The following NEDD4L variants were observed in gnomAD, a reference collection of about 807,000 sequenced individuals.
NEDD4L encodes E3 ubiquitin-protein ligase NEDD4-like.
Under a neutral mutation model 148.9 loss-of-function variants are expected in NEDD4L, and 54 were observed. The observed-to-expected ratio is 0.36, with a 90% CI of 0.29 to 0.45. The LOEUF (loss-of-function observed/expected upper bound fraction) is 0.45, where lower values mean the gene tolerates loss of function less well. Among genes scored for constraint, NEDD4L ranks in the 20% least tolerant of loss-of-function variants. NEDD4L has a pLI of 1.00. For missense variants in NEDD4L, 856 were observed against 1,233.8 expected, an observed-to-expected ratio of 0.69 and a Z score of 4.59; for synonymous variants, 433 against 440.7, an observed-to-expected ratio of 0.98 and a Z score of 0.22.
chr18:58,258,977 G>C (rs1165274002), intron 5 of NEDD4L, among the ~76,000 whole-genome samples: 16 of 152,138 alleles, frequency 1.1e-4, no homozygotes, highest in Non-Finnish European at 4.4e-5. Flanking sequence ...TGGTCTAAAG[G>C]ACATTACATT....
intron 23 of NEDD4L, 111 bp downstream of exon 23, chr18:58,370,578 A>G (rs927839424): frequency 4.1e-6 from 3 of 736,226 alleles, no homozygotes; most frequent in African/African-American, 1.7e-5. Context: ...GTTGCATTCC[A>G]TGTGAACAAC....
chr18:58,115,605 T>C (rs1204034363), intron 1 of NEDD4L, among the ~76,000 whole-genome samples: 2 of 152,138 alleles, frequency 1.3e-5, no homozygotes, highest in Admixed American at 1.3e-4. Flanking sequence ...GAATTGAGAA[T>C]GGGGATTGAG....
At chr18:58,236,964 G>A (rs971370477) in intron 2 of NEDD4L, among the ~76,000 whole-genome samples, 16 of 151,922 alleles carry the variant, frequency 1.1e-4, no homozygotes, top group Admixed American at 3.3e-4. Context: ...CAGAGGCTGC[G>A]GTGAGCCAAG....
At chr18:58,057,939 A>C (rs2082159750) in intron 1 of NEDD4L, among the ~76,000 whole-genome samples, 2 of 152,194 alleles carry the variant, frequency 1.3e-5, no homozygotes, top group Non-Finnish European at 1.5e-5. Context: ...CAACTTCCCC[A>C]CACTGGGATT....
chr18:58,143,662 A>G (rs1301975762), intron 1 of NEDD4L, among the ~76,000 whole-genome samples: 2 of 152,174 alleles, frequency 1.3e-5, no homozygotes. Flanking sequence ...TTCTTCGTCC[A>G]TGTCCCCAGA....
At chr18:58,147,767 G>A (rs570443773) in intron 1 of NEDD4L, among the ~76,000 whole-genome samples, 4 of 152,254 alleles carry the variant, frequency 2.6e-5, no homozygotes, top group Admixed American at 2.6e-4. Flanking sequence ...TTGTTCAGTT[G>A]TCTCATTCTG....
intron 9 of NEDD4L, among the ~76,000 whole-genome samples, chr18:58,327,905 A>C (rs1444818911): frequency 1.3e-5 from 2 of 152,034 alleles, no homozygotes; most frequent in African/African-American, 4.8e-5. Flanking sequence ...TATTTCCCCC[A>C]AAGTATGATT....
intron 1 of NEDD4L, among the ~76,000 whole-genome samples, chr18:58,051,687 G>A (rs2081879785): frequency 6.6e-6 from 1 of 152,190 alleles, no homozygotes; most frequent in Non-Finnish European, 1.5e-5. Context: ...CCTAACTTAA[G>A]AGTTTTCAAG....
intron 29 of NEDD4L, 34 bp from the exon 30 acceptor site, chr18:58,391,453 C>G (rs1443006416): frequency 6.7e-7 from 1 of 1,498,754 alleles, no homozygotes; most frequent in Admixed American, 1.9e-5. Flanking sequence ...CTGCCCCAAG[C>G]AATCTTAACA....
intron 16 of NEDD4L, among the ~76,000 whole-genome samples, chr18:58,346,590 TAAAG>T (rs1156479088): frequency 2.0e-5 from 3 of 152,206 alleles, no homozygotes; most frequent in African/African-American, 7.2e-5. Flanking sequence ...ATGGAAAAGA[TAAAG>T]AAAAAAGGCA....
intron 11 of NEDD4L, among the ~76,000 whole-genome samples, chr18:58,331,907 A>C (rs1404828634): frequency 2.6e-5 from 4 of 152,248 alleles, no homozygotes; most frequent in Non-Finnish European, 5.9e-5. Context: ...TGCATTTATC[A>C]TTCAGTTAAT....
chr18:58,149,278 C>CCA, intron 1 of NEDD4L: 1 of 733,888 alleles, frequency 1.4e-6, no homozygotes, highest in Non-Finnish European at 1.9e-6. Context: ...CCTTGGTGTC[C>CCA]AGGTGGCAGG....
intron 24 of NEDD4L, among the ~76,000 whole-genome samples, chr18:58,379,727 C>G (rs771158196): frequency 6.6e-6 from 1 of 152,182 alleles, no homozygotes; most frequent in Non-Finnish European, 1.5e-5. Flanking sequence ...CAGCCGGTCT[C>G]AAAAGTGGAA....
intron 18 of NEDD4L, among the ~76,000 whole-genome samples, chr18:58,352,733 A>G (rs1341832002): frequency 6.6e-6 from 1 of 152,216 alleles, no homozygotes; most frequent in Admixed American, 6.5e-5. Flanking sequence ...TGTGAATAAT[A>G]CTGATCATTT....
chr18:58,129,220 CCCT>C (rs1383835325), intron 1 of NEDD4L, among the ~76,000 whole-genome samples: 1 of 152,226 alleles, frequency 6.6e-6, no homozygotes, highest in Non-Finnish European at 1.5e-5. Flanking sequence ...TCCGTGCCTA[CCCT>C]TGGCTGCTGC....
At chr18:58,198,105 G>T (rs971144083) in intron 2 of NEDD4L, among the ~76,000 whole-genome samples, 1 of 152,176 alleles carries the variant, frequency 6.6e-6, no homozygotes, top group Non-Finnish European at 1.5e-5. Flanking sequence ...GGTAAAGTTA[G>T]CCCTTTCTTC....
intron 1 of NEDD4L, among the ~76,000 whole-genome samples, chr18:58,068,464 G>A (rs534729375): frequency 6.6e-6 from 1 of 152,268 alleles, no homozygotes; most frequent in African/African-American, 2.4e-5. Flanking sequence ...CTCCCAAAGT[G>A]CTGGGATTAC....
intron 1 of NEDD4L, among the ~76,000 whole-genome samples, chr18:58,087,287 A>G (rs1437613332): frequency 6.6e-6 from 1 of 152,162 alleles, no homozygotes; most frequent in Non-Finnish European, 1.5e-5. Flanking sequence ...GGAAATAACA[A>G]AGATCTCCTT....
intron 6 of NEDD4L, among the ~76,000 whole-genome samples, chr18:58,317,748 A>G (rs1352812425): frequency 6.6e-6 from 1 of 152,234 alleles, no homozygotes; most frequent in Non-Finnish European, 1.5e-5. Flanking sequence ...GCAGAGGCAC[A>G]GGGCAGGAAT....
Sources: gnomAD v4.1 joint callset for allele counts (sites outside exome capture counted in the v4.1 genomes callset) on GRCh38, gnomAD v4.1.1 for gene constraint, MANE v1.5 for transcripts, NCBI Gene and HGNC (gene_info 2026-07-23, HGNC 2026-07-21) for gene names.